Variants in TTLL9 observed in about 807,000 individuals in gnomAD.
The protein encoded by TTLL9 is tubulin tyrosine ligase like 9.
Under a neutral mutation model 65.6 loss-of-function variants are expected in TTLL9, and 47 were observed. The observed-to-expected ratio is 0.72, with a 90% CI of 0.57 to 0.91. The LOEUF (loss-of-function observed/expected upper bound fraction) is 0.91. Among genes scored for constraint, TTLL9 ranks in the 40% least tolerant of loss-of-function variants. TTLL9 has a pLI of 0.00. For missense variants in TTLL9, 537 were observed against 568.8 expected, an observed-to-expected ratio of 0.94 and a Z score of 0.57; for synonymous variants, 179 against 204.8, an observed-to-expected ratio of 0.87 and a Z score of 1.07.
In TTLL9 at chr20:31,939,280, G is replaced by A. The variant is rs777353580; in HGVS notation, c.1243+14G>A. ...ACACACATCTCGGTATGTAGGGCCA[G>A]GTGGGGAGTGGGCACAAGGGATGGG... On this transcript the variant is annotated intron_variant, in intron 14 of 14. Transcript: ENST00000535842. 5 of 1,613,140 alleles carry A rather than the reference G, an allele frequency of 3.1e-6. No individual in the cohort carries two copies. The South Asian group carries it at 5.5e-5, about 18-fold the overall frequency.
At position 31,921,984 on chromosome 20, in the gene TTLL9, G is replaced by A. The variant is rs115938420; in HGVS notation, c.574-979G>A. 2.9e-3 allele frequency among the ~76,000 whole-genome samples: 432 copies of A among 149,844 alleles called. 2 individuals carry two copies. The highest frequency in any genetic ancestry group is 0.01 in the African/African-American group (421 of 40,478). On this transcript the variant is annotated intron_variant, in intron 7 of 14. Transcript: ENST00000535842. Reference sequence around the variant, plus strand: ...ACTTAAAGTATAATAAAAAAAAATTGTGGGTCGGGCGTGGTGGCTCACACC... The same window carrying A: ...ACTTAAAGTATAATAAAAAAAAATTATGGGTCGGGCGTGGTGGCTCACACC...
At position 31,934,762 on chromosome 20, in the gene TTLL9, C is replaced by G; in HGVS notation, c.878C>G (p.Thr293Arg). 6.2e-7 allele frequency: 1 copy of G among 1,613,382 alleles called. No individual in the cohort carries two copies. Among genetic ancestry groups the G allele is most frequent in the Non-Finnish European group, 8.5e-7 (1 of 1,180,024 alleles). ...ASKHGPEAVE[T>R]LFRDIDNIFV... Reference sequence around the variant, plus strand: ...AAACACGGGCCCGAGGCAGTGGAGACACTCTTCAGGGACATCGACAACATC... The same window carrying G: ...AAACACGGGCCCGAGGCAGTGGAGAGACTCTTCAGGGACATCGACAACATC... Residue 293 changes from threonine (T) to arginine (R), a missense_variant, in exon 12 of 15, where the codon ACA becomes AGA. Around this residue, in one of 3 missense-constraint regions of TTLL9, gnomAD observed 205 missense variants for 225.9 expected, o/e 0.91. Coordinates refer to ENST00000535842, the MANE Select transcript of TTLL9 (RefSeq NM_001008409.5).
intron 3 of TTLL9, among the ~76,000 whole-genome samples, chr20:31,891,237 G>A (rs6058483): frequency 6.6e-6 from 1 of 152,124 alleles, no homozygotes; most frequent in Non-Finnish European, 1.5e-5. Flanking sequence ...AGTCTGATGT[G>A]TGTGACATAG....
chr20:31,883,560 A>T (rs554795019), intron 2 of TTLL9, among the ~76,000 whole-genome samples: 1 of 152,292 alleles, frequency 6.6e-6, no homozygotes, highest in East Asian at 1.9e-4. Context: ...ATGTTACCAT[A>T]AAGTTTACTG....
In TTLL9 at chr20:31,943,482, T is replaced by G; in HGVS notation, c.*461T>G. The stretch of plus-strand genomic sequence containing the variant: ...GAAAAGGTCCTTCAGGAGCAAGAGT[T>G]TGGAGGCTAAGGAACTCGTCTTTAA... On this transcript the variant is annotated 3_prime_UTR_variant, in exon 15 of 15. Coordinates refer to ENST00000535842, the MANE Select transcript of TTLL9 (RefSeq NM_001008409.5). 1 of 321,618 alleles carries G rather than the reference T, an allele frequency of 3.1e-6. No individual in the cohort carries two copies. The highest frequency in any genetic ancestry group is 6.2e-6 in the Non-Finnish European group (1 of 161,898). 19.9% of individuals were successfully genotyped at this position (321,618 alleles called of 1,614,324 possible). A position where few individuals can be genotyped will look rare whatever the true frequency, so the allele number is the denominator to read the frequency against.
intron 6 of TTLL9, among the ~76,000 whole-genome samples, chr20:31,917,841 G>A (rs891427080): frequency 2.0e-5 from 3 of 152,184 alleles, no homozygotes; most frequent in Non-Finnish European, 4.4e-5. Context: ...GAACCTTCTG[G>A]CTGAGTTAGG....
chr20:31,875,339 C>CATT (rs1215069392), intron 2 of TTLL9, among the ~76,000 whole-genome samples: 2 of 152,118 alleles, frequency 1.3e-5, no homozygotes, highest in Non-Finnish European at 2.9e-5. Context: ...TTACCATTGG[C>CATT]ATTACTATTA....
chr20:31,907,114 G>C (rs554507144), intron 4 of TTLL9, among the ~76,000 whole-genome samples: 1 of 152,264 alleles, frequency 6.6e-6, no homozygotes, highest in Admixed American at 6.5e-5. Flanking sequence ...AGACAGGAGG[G>C]GTTCTAACCA....
Position 31,934,856 on chromosome 20 carries a change from C to T in TTLL9, c.972C>T (p.Gly324=), listed in dbSNP as rs370725969. 22 of 1,613,380 alleles carry T rather than the reference C, an allele frequency of 1.4e-5. No homozygotes were observed. Among genetic ancestry groups the T allele is most frequent in the Non-Finnish European group, 1.9e-5 (22 of 1,179,658 alleles). The part of the protein sequence containing the change: ...ISDKHCFELY[G]YDILIDQDLK... Reference sequence around the variant, plus strand: ...ACAAGCACTGCTTCGAGCTGTACGGCTATGACATCCTCATCGACCAGGACC... The same window carrying T: ...ACAAGCACTGCTTCGAGCTGTACGGTTATGACATCCTCATCGACCAGGACC... Residue 324 remains glycine, a synonymous_variant, in exon 12 of 15, where the codon GGC becomes GGT. Coordinates refer to ENST00000535842, the MANE Select transcript of TTLL9 (RefSeq NM_001008409.5).
At chr20:31,933,937 A>G in intron 11 of TTLL9, 79 bp downstream of exon 11, 1 of 1,430,732 alleles carries the variant, frequency 7.0e-7, no homozygotes, top group Non-Finnish European at 9.5e-7. Context: ...AGTGGCAAGG[A>G]GCCCAGGACA....
chr20:31,934,731 G>T lies in TTLL9; in HGVS notation c.847G>T (p.Ala283Ser). Residue 283 changes from alanine (A) to serine (S), a missense_variant, in exon 12 of 15, where the codon GCG (alanine) becomes TCG (serine). This residue lies in a region of TTLL9 where 205 missense variants were observed against 225.9 expected (regional missense o/e 0.91). Coordinates refer to ENST00000535842, the MANE Select transcript of TTLL9 (RefSeq NM_001008409.5). ...GCTGCAGCGCTTCCGGCAGTACCTGGCGTCCAAACACGGGCCCGAGGCAGT... is the reference window on the plus strand; with the variant it reads ...GCTGCAGCGCTTCCGGCAGTACCTGTCGTCCAAACACGGGCCCGAGGCAGT... ...WTLQRFRQYL[A>S]SKHGPEAVET... is the part of the protein sequence containing the mutation. The T allele has an allele frequency of 6.2e-7, 1 of 1,612,468 alleles. No homozygotes were observed. Among genetic ancestry groups the T allele is most frequent in the Admixed American group, 1.7e-5 (1 of 60,036 alleles).
intron 2 of TTLL9, among the ~76,000 whole-genome samples, chr20:31,882,018 T>C (rs2063124940): frequency 6.6e-6 from 1 of 152,228 alleles, no homozygotes; most frequent in Non-Finnish European, 1.5e-5. Context: ...CTTAGGACTT[T>C]GTGGTTTCTT....
chr20:31,898,947 T>C (rs771013951), intron 4 of TTLL9, among the ~76,000 whole-genome samples: 2 of 152,232 alleles, frequency 1.3e-5, no homozygotes, highest in Non-Finnish European at 2.9e-5. Context: ...CAAGGACTGC[T>C]CTTCCCTGGC....
intron 3 of TTLL9, among the ~76,000 whole-genome samples, chr20:31,890,146 C>CTTTCTTTCTTTCTTTTCTTTCT (rs1568753458): frequency 3.2e-4 from 6 of 18,954 alleles, no homozygotes; most frequent in African/African-American, 2.1e-3. Context: ...TCCTTCCTTC[C>CTTTCTTTCTTTCTTTTCTTTCT]TTCCTTCCTT....
At position 31,944,584 on chromosome 20, in the gene TTLL9, T is replaced by C. The variant is rs962363782; in HGVS notation, c.*1563T>C. On this transcript the variant is annotated 3_prime_UTR_variant, in exon 15 of 15. Coordinates refer to ENST00000535842, the MANE Select transcript of TTLL9 (RefSeq NM_001008409.5). ...GATGTATCTTGGAGCTTGTTCCTTA[T>C]TCTTGATTATAGTTGTATGGTATTG... 6.6e-6 allele frequency: 1 copy of C among 152,278 alleles called. No individual in the cohort carries two copies. The highest frequency in any genetic ancestry group is 1.5e-5 in the Non-Finnish European group (1 of 68,084). The allele number at this position is 152,278 out of a possible 1,614,324, so 9.4% of individuals were successfully genotyped here. A position where few individuals can be genotyped will look rare whatever the true frequency, so the allele number is the denominator to read the frequency against.
intron 8 of TTLL9, among the ~76,000 whole-genome samples, chr20:31,924,032 C>T (rs2123573443): frequency 6.6e-6 from 1 of 152,258 alleles, no homozygotes; most frequent in East Asian, 1.9e-4. Flanking sequence ...CATGCCTCAG[C>T]TTCTCTAGGG....
chr20:31,876,216 G>A (rs1326459881), intron 2 of TTLL9, among the ~76,000 whole-genome samples: 1 of 152,206 alleles, frequency 6.6e-6, no homozygotes, highest in African/African-American at 2.4e-5. Flanking sequence ...GGAGGCTGAG[G>A]CCAGTGGATT....
intron 6 of TTLL9, among the ~76,000 whole-genome samples, chr20:31,916,831 G>A (rs2063741928): frequency 6.6e-6 from 1 of 152,200 alleles, no homozygotes; most frequent in African/African-American, 2.4e-5. Context: ...TTTTAACAAG[G>A]AGAAACATCT....
At chr20:31,879,332 C>CA (rs1388944008) in intron 2 of TTLL9, among the ~76,000 whole-genome samples, 1 of 151,862 alleles carries the variant, frequency 6.6e-6, no homozygotes, top group East Asian at 1.9e-4. Flanking sequence ...AACAAACAAA[C>CA]AAAAAAACTA....
Sources: allele counts gnomAD v4.1 joint callset (sites outside exome capture counted in the v4.1 genomes callset), GRCh38; gene constraint gnomAD v4.1.1; regional missense constraint gnomAD v4.1.1; transcripts MANE v1.5; gene names NCBI Gene and HGNC (gene_info 2026-07-23, HGNC 2026-07-21).